Variants in NOX4 observed in about 807,000 individuals in gnomAD.
NOX4 encodes NADPH oxidase 4, also known as kidney oxidase-1.
NOX4 carries 69 observed loss-of-function variants against 87.6 expected under a neutral mutation model. The ratio of observed to expected loss-of-function variants is 0.79; its 90% CI spans 0.65 to 0.96. The LOEUF (loss-of-function observed/expected upper bound fraction) is 0.96. NOX4 is among the 40% of genes least tolerant of loss of function. The pLI, the probability that NOX4 is intolerant of heterozygous loss-of-function variation, is 0.00. For missense variants in NOX4, 680 were observed against 681.5 expected (o/e 1.00, Z 0.02); for synonymous variants, 275 against 238.2 (o/e 1.15, Z -1.42).
At chr11:89,385,363 G>T (rs1021085489) in intron 11 of NOX4, among the ~76,000 whole-genome samples, 1 of 152,110 alleles carries the variant, frequency 6.6e-6, no homozygotes, top group African/African-American at 2.4e-5. Context: ...TGTTAAGGTA[G>T]CTAAAAAAGC....
chr11:89,356,611 A>G (rs192203238), intron 12 of NOX4, among the ~76,000 whole-genome samples: 14 of 152,156 alleles, frequency 9.2e-5, no homozygotes, highest in Non-Finnish European at 1.9e-4. Context: ...CCTCCTGCCC[A>G]ATTTGGAATA....
intron 7 of NOX4, among the ~76,000 whole-genome samples, chr11:89,425,322 C>T (rs1943318153): frequency 6.7e-6 from 1 of 150,000 alleles, no homozygotes; most frequent in African/African-American, 2.5e-5. Context: ...CTCAGCTATT[C>T]TACATCTAAG....
chr11:89,433,314 T>G (rs1856776830), intron 6 of NOX4, among the ~76,000 whole-genome samples: 1 of 152,104 alleles, frequency 6.6e-6, no homozygotes, highest in Admixed American at 6.6e-5. Context: ...AATCAGGATC[T>G]TTTATCTATT....
Position 89,373,289 on chromosome 11 carries a change from A to C in NOX4, c.1135+143T>G, listed in dbSNP as rs575316830. 561 of 493,570 alleles carry C rather than the reference A, an allele frequency of 1.1e-3. 7 individuals are homozygous for C. In the East Asian group the frequency reaches 0.014, roughly 13 times the overall value. 30.6% of individuals were successfully genotyped at this position (493,570 alleles called of 1,614,324 possible). ...AAAACTGTACAAGCAAAAAAAAAAA[A>C]AAAAAAAAACAAAAAAAAACCCAGA... On this transcript the variant is annotated intron_variant, in intron 12 of 17. Transcript: ENST00000263317.
chr11:89,560,424 G>A, the NOX4 span, among the ~76,000 whole-genome samples: 1 of 152,102 alleles, frequency 6.6e-6, no homozygotes, highest in African/African-American at 2.4e-5. Flanking sequence ...TTTTATGTCT[G>A]TAGTTTTGTG....
At chr11:89,356,659 T>C (rs317192) in intron 12 of NOX4, among the ~76,000 whole-genome samples, 2,312 of 152,256 alleles carry the variant, frequency 0.015, 55 homozygotes, top group African/African-American at 0.053. Context: ...CAACTTGTGC[T>C]TCCACCTTCA....
At chr11:89,466,890 G>A (rs1035468468) in intron 2 of NOX4, among the ~76,000 whole-genome samples, 1 of 152,060 alleles carries the variant, frequency 6.6e-6, no homozygotes, top group Non-Finnish European at 1.5e-5. Context: ...TCCATGCAGG[G>A]AAAAAAGCAG....
At chr11:89,579,081 T>A in the NOX4 span, among the ~76,000 whole-genome samples, 1 of 152,172 alleles carries the variant, frequency 6.6e-6, no homozygotes, top group African/African-American at 2.4e-5. Flanking sequence ...TGATTACAAC[T>A]GTATGACATT....
intron 8 of NOX4, among the ~76,000 whole-genome samples, chr11:89,414,145 C>T (rs1023508118): frequency 2.6e-5 from 4 of 151,974 alleles, no homozygotes; most frequent in African/African-American, 9.7e-5. Flanking sequence ...AGGAATCAAT[C>T]CTCTTTCTTC....
At position 89,451,836 on chromosome 11, in the gene NOX4, G is replaced by T; in HGVS notation, c.213C>A (p.Ile71=). Residue 71 remains isoleucine, a synonymous_variant, in exon 3 of 18, where the codon ATC becomes ATA. Transcript: ENST00000263317. The stretch of plus-strand genomic sequence containing the variant: ...AGAGTGTTCGGCACATGGGTAAAAG[G>T]ATAAGGCTGCAGTTGAGGTTAAGAA... ...ASVLNLNCSL[I]LLPMCRTLLA... The T allele has an allele frequency of 1.2e-6, 2 of 1,613,516 alleles. No homozygotes were observed. The highest frequency in any genetic ancestry group is 1.7e-6 in the Non-Finnish European group (2 of 1,179,590).
chr11:89,342,104 G>A lies in NOX4; in HGVS notation c.1307C>T (p.Thr436Ile), dbSNP rs764033051. ...SLCVAGGIGV[T>I]PFASILNTLL... ...GGTGTTGAGTATTGATGCAAATGGA[G>A]TTACTCCAATGCCTCCAGCCACGCA... Residue 436 changes from threonine (T) to isoleucine (I), a missense_variant, in exon 14 of 18, where the codon ACT becomes ATT. Transcript: ENST00000263317. 2 of 1,613,392 alleles carry A rather than the reference G, an allele frequency of 1.2e-6. No individual in the cohort carries two copies. The highest frequency in any genetic ancestry group is 1.1e-5 in the South Asian group (1 of 91,050).
intron 6 of NOX4, among the ~76,000 whole-genome samples, chr11:89,438,888 TTATATATTA>T (rs1944306465): frequency 4.0e-5 from 2 of 49,808 alleles, no homozygotes; most frequent in African/African-American, 2.6e-4. Flanking sequence ...ATATAATATA[TTATATATTA>T]TATATATAAT....
chr11:89,579,141 G>A, the NOX4 span, among the ~76,000 whole-genome samples: 1 of 152,198 alleles, frequency 6.6e-6, no homozygotes, highest in African/African-American at 2.4e-5. Flanking sequence ...TGGTTTTCTA[G>A]AGTTCATGGA....
At chr11:89,379,067 T>G (rs1353095927) in intron 11 of NOX4, among the ~76,000 whole-genome samples, 1 of 152,170 alleles carries the variant, frequency 6.6e-6, no homozygotes, top group Non-Finnish European at 1.5e-5. Context: ...CGTGTGCATT[T>G]ATCTCAGGTC....
the NOX4 span, among the ~76,000 whole-genome samples, chr11:89,565,132 T>C: frequency 6.6e-6 from 1 of 152,246 alleles, no homozygotes; most frequent in Non-Finnish European, 1.5e-5. Flanking sequence ...TTCCTATTCA[T>C]GAACATATAT....
At chr11:89,430,649 G>C (rs1289010023) in intron 7 of NOX4, among the ~76,000 whole-genome samples, 1 of 152,128 alleles carries the variant, frequency 6.6e-6, no homozygotes, top group Non-Finnish European at 1.5e-5. Context: ...ACTTACAAGG[G>C]ATGTGAAGGA....
the NOX4 span, among the ~76,000 whole-genome samples, chr11:89,534,252 C>A: frequency 6.6e-6 from 1 of 152,228 alleles, no homozygotes; most frequent in African/African-American, 2.4e-5. Context: ...TTGGCCTTGA[C>A]AGGTCACACC....
chr11:89,503,737 T>C, the NOX4 span, among the ~76,000 whole-genome samples: 3 of 151,146 alleles, frequency 2.0e-5, no homozygotes, highest in Non-Finnish European at 4.4e-5. Flanking sequence ...TGGGACAGGC[T>C]AGACAATATC....
chr11:89,529,451 CTG>C, the NOX4 span, among the ~76,000 whole-genome samples: 1 of 152,288 alleles, frequency 6.6e-6, no homozygotes, highest in Non-Finnish European at 1.5e-5. Context: ...CAGACCTTCA[CTG>C]TACCATATAA....
Sources: allele counts gnomAD v4.1 joint callset (sites outside exome capture counted in the v4.1 genomes callset), GRCh38; gene constraint gnomAD v4.1.1; transcripts MANE v1.5; gene names NCBI Gene and HGNC (gene_info 2026-07-23, HGNC 2026-07-21).